The following LMNA variants were observed in gnomAD, a reference collection of about 807,000 sequenced individuals.
LMNA encodes lamin A/C.
In LMNA, 20 loss-of-function variants were observed where a neutral mutation model predicts 70.4. The ratio of observed to expected loss-of-function variants is 0.28; its 90% confidence interval spans 0.20 to 0.41. The LOEUF is 0.41. Among genes scored for constraint, LMNA ranks in the 10% least tolerant of loss-of-function variants. The pLI, the probability that LMNA is intolerant of heterozygous loss-of-function variation, is 1.00. For missense variants in LMNA, 652 were observed against 917.2 expected, an observed-to-expected ratio of 0.71 and a Z score of 3.73; for synonymous variants, 339 against 372.8, an observed-to-expected ratio of 0.91 and a Z score of 1.04.
At chr1:156,114,384 C>T (rs1022218832), upstream of LMNA, among the ~76,000 whole-genome samples, 1 of 152,202 alleles carries the variant, frequency 6.6e-6, no homozygotes, top group African/African-American at 2.4e-5. Flanking sequence ...GCCCACTTCC[C>T]TCTCTTTCTC....
intron 3 of LMNA, chr1:156,090,601 G>A (rs1243813284): frequency 6.6e-6 from 1 of 152,284 alleles, no homozygotes; most frequent in Non-Finnish European, 1.5e-5. Flanking sequence ...AGACTTTAGT[G>A]TTCAAAACCA....
upstream of LMNA, among the ~76,000 whole-genome samples, chr1:156,111,243 G>T (rs1307696999): frequency 6.6e-6 from 1 of 151,794 alleles, no homozygotes; most frequent in Non-Finnish European, 1.5e-5. Context: ...GAGGTCAGGA[G>T]TTCGAGACCA....
intron 3 of LMNA, among the ~76,000 whole-genome samples, chr1:156,091,856 T>G (rs1648714316): frequency 6.6e-6 from 1 of 152,030 alleles, no homozygotes; most frequent in African/African-American, 2.4e-5. Context: ...AGGTGGCTAA[T>G]TTAGAAAGGA....
intron 1 of LMNA, among the ~76,000 whole-genome samples, chr1:156,121,840 A>G (rs569174108): frequency 1.3e-5 from 2 of 152,138 alleles, no homozygotes; most frequent in Non-Finnish European, 2.9e-5. Context: ...GGAAGATTGC[A>G]GGGTCTCTTA....
Position 156,136,536 on chromosome 1 carries a change from G to C in LMNA, c.1380+100G>C, listed in dbSNP as rs1651654341. The C allele has an allele frequency of 2.4e-6, 3 of 1,258,478 alleles. No individual in the cohort carries two copies. Among genetic ancestry groups the C allele is most frequent in the African/African-American group, 3.0e-5 (2 of 67,190 alleles). The allele number at this position is 1,258,478 out of a possible 1,614,324, so 78.0% of individuals were successfully genotyped here. ...GGAGAGAGGAACATCCTTGCCCTCAGAGGGTGGACCAGGGTGAGCCTGTAT... is the reference window on the plus strand; with the variant it reads ...GGAGAGAGGAACATCCTTGCCCTCACAGGGTGGACCAGGGTGAGCCTGTAT... On this transcript the variant is annotated intron_variant, in intron 7 of 11. Transcript: ENST00000368300. This position sits in a 1 kb window ranked among gnomAD's most constrained non-coding sequence, Gnocchi z 6.1.
In LMNA at chr1:156,139,821, T is replaced by A. The variant is rs1482793007; in HGVS notation, c.*715T>A. ...TGGAAGAAGGGAGAAGAAAGGTGAG[T>A]TTGAGCTGCCTTCCCTAGCTTTAGA... On this transcript the variant is annotated 3_prime_UTR_variant, in exon 12 of 12. Coordinates refer to ENST00000368300, the MANE Select transcript of LMNA (RefSeq NM_170707.4). 2.6e-6 allele frequency: 4 copies of A among 1,527,624 alleles called. No homozygotes were observed. The South Asian group carries it at 4.8e-5, about 18-fold the overall frequency. 94.6% of individuals were successfully genotyped at this position (1,527,624 alleles called of 1,614,324 possible).
At chr1:156,125,436 C>G (rs1415136045) in intron 1 of LMNA, among the ~76,000 whole-genome samples, 2 of 152,132 alleles carry the variant, frequency 1.3e-5, no homozygotes, top group Non-Finnish European at 2.9e-5. Context: ...GCCTGTAATC[C>G]CAGGACTTTG....
intron 1 of LMNA, chr1:156,126,869 C>A: frequency 6.2e-7 from 1 of 1,611,832 alleles, no homozygotes; most frequent in Non-Finnish European, 8.5e-7. Flanking sequence ...TCTGCTGGCA[C>A]AGCACCCGGC....
intron 1 of LMNA, among the ~76,000 whole-genome samples, chr1:156,118,569 A>G (rs1348275171): frequency 6.6e-6 from 1 of 152,196 alleles, no homozygotes; most frequent in Non-Finnish European, 1.5e-5. Flanking sequence ...TGGGGTGAAG[A>G]CAAAGGGGAC....
intron 1 of LMNA, among the ~76,000 whole-genome samples, chr1:156,121,833 A>C (rs116713694): frequency 1.3e-5 from 2 of 152,096 alleles, no homozygotes; most frequent in East Asian, 1.9e-4. Context: ...GATCTCTGGA[A>C]GATTGCAGGG....
At chr1:156,088,921 ATAT>A (rs1648586818) in intron 2 of LMNA, among the ~76,000 whole-genome samples, 1 of 152,228 alleles carries the variant, frequency 6.6e-6, no homozygotes, top group African/African-American at 2.4e-5. Context: ...CAAAGTGCTG[ATAT>A]TATAGGCGTG....
Position 156,135,953 on chromosome 1 carries a change from A to C in LMNA, c.989A>C (p.Glu330Ala). Residue 330 changes from glutamate (E) to alanine (A), a missense_variant, in exon 6 of 12, where the codon GAG becomes GCG. Physicochemically the swap from Glu to Ala is moderately radical, Grantham distance 107 (BLOSUM62 -1). This residue lies in a region of LMNA where 38 missense variants were observed against 32.5 expected (regional missense o/e 1.17). Coordinates refer to ENST00000368300, the MANE Select transcript of LMNA (RefSeq NM_170707.4). The surrounding 1 kb of genome is among the most constrained non-coding windows in gnomAD (Gnocchi z 4.8). ...GACCTGGAGGACTCACTGGCCCGTGAGCGGGACACCAGCCGGCGGCTGCTG... is the reference window on the plus strand; with the variant it reads ...GACCTGGAGGACTCACTGGCCCGTGCGCGGGACACCAGCCGGCGGCTGCTG... ...LRDLEDSLAR[E>A]RDTSRRLLAE... 1 of 1,613,916 alleles carries C rather than the reference A, an allele frequency of 6.2e-7. No homozygotes were observed. Among genetic ancestry groups the C allele is most frequent in the Non-Finnish European group, 8.5e-7 (1 of 1,179,990 alleles).
At position 156,136,148 on chromosome 1, in the gene LMNA, G is replaced by T. The variant is rs1651586683; in HGVS notation, c.1157+27G>T. On this transcript the variant is annotated intron_variant, in intron 6 of 11. Transcript: ENST00000368300. The surrounding 1 kb of genome is among the most constrained non-coding windows in gnomAD (Gnocchi z 6.1). ...TGGGCTGGGGAGACGTCGGGGAGGT[G>T]CTGGCAGTGTCCTCTGGCCGGCAAC... The T allele has an allele frequency of 1.2e-6, 2 of 1,613,342 alleles. No homozygotes were observed. Among genetic ancestry groups the T allele is most frequent in the Non-Finnish European group, 1.7e-6 (2 of 1,179,738 alleles).
intron 3 of LMNA, among the ~76,000 whole-genome samples, chr1:156,108,779 C>A (rs1319026314): frequency 6.6e-6 from 1 of 151,792 alleles, no homozygotes; most frequent in East Asian, 1.9e-4. Flanking sequence ...AAAAAAAAAT[C>A]CAGTTCTGTT....
Position 156,114,733 on chromosome 1 carries a change from C to G in LMNA, c.-186C>G. ...CTCAGTGTTCGCGGGAGCGCCGCAC[C>G]TACACCAGCCAACCCAGATCCCGAG... is the stretch of plus-strand genomic sequence containing the variant. On this transcript the variant is annotated 5_prime_UTR_variant, in exon 1 of 12. Transcript: ENST00000368300. The G allele has an allele frequency of 1.7e-6, 1 of 574,612 alleles. No homozygotes were observed. Among genetic ancestry groups the G allele is most frequent in the Non-Finnish European group, 3.0e-6 (1 of 329,432 alleles). The allele number at this position is 574,612 out of a possible 1,614,324, so 35.6% of individuals were successfully genotyped here.
Position 156,139,656 on chromosome 1 carries a change from C to T in LMNA, c.*550C>T. ...TTGGCCTGCTGTGATTCCACTACAC[C>T]TGGCTGAGGTTCCTCTGCCTGCCCC... On this transcript the variant is annotated 3_prime_UTR_variant, in exon 12 of 12. Transcript: ENST00000368300. The T allele has an allele frequency of 1.3e-6, 2 of 1,495,804 alleles. No homozygotes were observed. The highest frequency in any genetic ancestry group is 1.8e-6 in the Non-Finnish European group (2 of 1,127,346). The allele number at this position is 1,495,804 out of a possible 1,614,324, so 92.7% of individuals were successfully genotyped here.
chr1:156,127,082 T>C lies in LMNA; in HGVS notation c.357-3535T>C, dbSNP rs622834. ...GCACTCAGCGTGTGCTCAGCTTTCC[T>C]GATGCCAACCCCCAGTGGAGTGGGC... On this transcript the variant is annotated intron_variant, in intron 1 of 11. Transcript: ENST00000368300. The C allele has an allele frequency of 0.067, 44,483 of 668,292 alleles. 2,793 individuals are homozygous for C. The highest frequency in any genetic ancestry group is 0.25 in the African/African-American group (13,901 of 54,994). The allele number at this position is 668,292 out of a possible 1,614,324, so 41.4% of individuals were successfully genotyped here. A position where few individuals can be genotyped will look rare whatever the true frequency, so the allele number is the denominator to read the frequency against.
chr1:156,107,896 G>C (rs1412491839), intron 3 of LMNA, among the ~76,000 whole-genome samples: 1 of 151,508 alleles, frequency 6.6e-6, no homozygotes. Context: ...TCCCTGAGTA[G>C]CTGGGATTAC....
intron 3 of LMNA, among the ~76,000 whole-genome samples, chr1:156,105,563 C>T (rs544198511): frequency 2.6e-5 from 4 of 152,212 alleles, no homozygotes; most frequent in South Asian, 4.1e-4. Flanking sequence ...GAGCTTTCAA[C>T]GGGGACCTTG....
Sources: allele counts gnomAD v4.1 joint callset (sites outside exome capture counted in the v4.1 genomes callset), GRCh38; gene constraint gnomAD v4.1.1; regional missense constraint gnomAD v4.1.1; non-coding constraint Gnocchi (gnomAD v3.1); transcripts MANE v1.5; gene names NCBI Gene and HGNC (gene_info 2026-07-23, HGNC 2026-07-21).